Variants in PCP4L1 observed in about 807,000 individuals in gnomAD.
PCP4L1 encodes the protein Purkinje cell protein 4-like protein 1.
A neutral mutation model predicts 9.6 loss-of-function variants in PCP4L1; 9 were observed. That is an observed-to-expected ratio of 0.94 (90% CI 0.57 to 1.64). PCP4L1 has a LOEUF of 1.64. Ranked by LOEUF, PCP4L1 falls within the 40% of genes most tolerant of loss-of-function variation. PCP4L1 has a pLI of 0.00. For synonymous variants in PCP4L1, 31 were observed against 28.2 expected (o/e 1.10, Z -0.31); for missense variants, 81 against 80.8 (o/e 1.00, Z -0.01).
chr1:161,272,691 T>TTA (rs1387491693), intron 1 of PCP4L1, among the ~76,000 whole-genome samples: 11 of 151,976 alleles, frequency 7.2e-5, no homozygotes, highest in African/African-American at 2.7e-4. Flanking sequence ...ATTTATTTAT[T>TTA]TTTATTTAAG....
At position 161,258,864 on chromosome 1, in the gene PCP4L1, G is replaced by A; in HGVS notation, c.-111G>A. ...ACTAACTCTCCTCTCCTGGTCAGCTGTAACCCCTGCCGCAGAGCCCGGCAA... is the reference window on the plus strand; with the variant it reads ...ACTAACTCTCCTCTCCTGGTCAGCTATAACCCCTGCCGCAGAGCCCGGCAA... On this transcript the variant is annotated 5_prime_UTR_variant, in exon 1 of 3. Transcript: ENST00000504449. 1 of 1,474,648 alleles carries A rather than the reference G, an allele frequency of 6.8e-7. No individual in the cohort carries two copies. The highest frequency in any genetic ancestry group is 9.2e-7 in the Non-Finnish European group (1 of 1,091,678). The allele number at this position is 1,474,648 out of a possible 1,614,324, so 91.3% of individuals were successfully genotyped here.
intron 1 of PCP4L1, among the ~76,000 whole-genome samples, chr1:161,280,977 A>G (rs1669784455): frequency 6.6e-6 from 1 of 152,158 alleles, no homozygotes; most frequent in Non-Finnish European, 1.5e-5. Context: ...TCCTAGGCAG[A>G]GGACCCTGAG....
At chr1:161,268,072 G>A (rs1669558731) in intron 1 of PCP4L1, among the ~76,000 whole-genome samples, 1 of 152,192 alleles carries the variant, frequency 6.6e-6, no homozygotes, top group African/African-American at 2.4e-5. Context: ...TGACACAAAA[G>A]TGGACGAAAG....
chr1:161,274,149 G>A (rs1669665348), intron 1 of PCP4L1, among the ~76,000 whole-genome samples: 1 of 152,190 alleles, frequency 6.6e-6, no homozygotes, highest in Non-Finnish European at 1.5e-5. Flanking sequence ...AAAGTAGCTG[G>A]CACATAGTGT....
intron 1 of PCP4L1, 27 bp downstream of exon 1, chr1:161,259,010 C>T (rs4078110): frequency 0.24 from 360,454 of 1,528,932 alleles, 43,807 homozygotes; most frequent in East Asian, 0.37. Flanking sequence ...CCGGCGCTGT[C>T]GGCAGGGCTG....
At chr1:161,265,730 C>G (rs952642053) in intron 1 of PCP4L1, among the ~76,000 whole-genome samples, 8 of 124,528 alleles carry the variant, frequency 6.4e-5, no homozygotes, top group African/African-American at 6.2e-5. Context: ...GATCCAAAAC[C>G]ACTTTTTTTT....
intron 1 of PCP4L1, among the ~76,000 whole-genome samples, chr1:161,269,998 C>CAA (rs34089226): frequency 0.37 from 54,076 of 145,576 alleles, 10,114 homozygotes; most frequent in African/African-American, 0.45. Flanking sequence ...GACCTTGTCT[C>CAA]AAAAAAAAAA....
intron 1 of PCP4L1, among the ~76,000 whole-genome samples, chr1:161,271,186 G>A (rs1359273039): frequency 6.6e-6 from 1 of 152,200 alleles, no homozygotes; most frequent in Non-Finnish European, 1.5e-5. Context: ...CAACGTATGA[G>A]AGTTCCAGTT....
At chr1:161,275,819 A>C (rs1289788437) in intron 1 of PCP4L1, among the ~76,000 whole-genome samples, 1 of 143,228 alleles carries the variant, frequency 7.0e-6, no homozygotes, top group East Asian at 2.0e-4. Flanking sequence ...TTTTTGAGAC[A>C]GAGTCTTGCT....
chr1:161,281,983 G>T (rs1558147061), intron 1 of PCP4L1, among the ~76,000 whole-genome samples: 1 of 152,144 alleles, frequency 6.6e-6, no homozygotes, highest in Admixed American at 6.5e-5. Context: ...CCCAGATGGG[G>T]TGGCAGCCAG....
chr1:161,281,746 A>G (rs1253735212), intron 1 of PCP4L1, among the ~76,000 whole-genome samples: 7 of 129,126 alleles, frequency 5.4e-5, no homozygotes, highest in African/African-American at 1.2e-4. Context: ...CACCTCCCAG[A>G]CGGGGTCACG....
chr1:161,272,973 A>T (rs1669646723), intron 1 of PCP4L1, among the ~76,000 whole-genome samples: 1 of 152,154 alleles, frequency 6.6e-6, no homozygotes, highest in African/African-American at 2.4e-5. Flanking sequence ...TAGGGAAAGG[A>T]GGAATGTTAC....
At chr1:161,283,331 C>A in intron 1 of PCP4L1, among the ~76,000 whole-genome samples, 1 of 152,198 alleles carries the variant, frequency 6.6e-6, no homozygotes, top group East Asian at 1.9e-4. Flanking sequence ...CCAGTACTTA[C>A]TATTTCCTTT....
At chr1:161,282,862 G>C (rs754329786) in intron 1 of PCP4L1, among the ~76,000 whole-genome samples, 85 of 152,140 alleles carry the variant, frequency 5.6e-4, no homozygotes, top group Admixed American at 2.2e-3. Context: ...AATATACCCA[G>C]AATCCAACCA....
chr1:161,262,454 A>AAAAG (rs1458009148), intron 1 of PCP4L1, among the ~76,000 whole-genome samples: 2 of 139,744 alleles, frequency 1.4e-5, no homozygotes, highest in African/African-American at 6.7e-5. Flanking sequence ...AAAAAAAAAA[A>AAAAG]AAGAAATGCC....
At chr1:161,284,310 T>C in intron 2 of PCP4L1, 29 bp from the exon 3 acceptor site, 1 of 1,613,906 alleles carries the variant, frequency 6.2e-7, no homozygotes, top group Non-Finnish European at 8.5e-7. Context: ...TCAGATTAAC[T>C]CATTAATGAG....
chr1:161,267,805 C>T (rs1175821182), intron 1 of PCP4L1, among the ~76,000 whole-genome samples: 1 of 152,058 alleles, frequency 6.6e-6, no homozygotes, highest in Non-Finnish European at 1.5e-5. Context: ...CTCTGCCTCC[C>T]AGGTTTAAGC....
intron 1 of PCP4L1, among the ~76,000 whole-genome samples, chr1:161,266,524 G>A (rs2102232880): frequency 6.6e-6 from 1 of 152,266 alleles, no homozygotes; most frequent in Non-Finnish European, 1.5e-5. Flanking sequence ...ACCATGAGCT[G>A]GCATGGCCAA....
At chr1:161,274,791 G>T (rs1180088955) in intron 1 of PCP4L1, among the ~76,000 whole-genome samples, 2 of 152,002 alleles carry the variant, frequency 1.3e-5, no homozygotes, top group African/African-American at 4.8e-5. Context: ...AGTGTCCAGA[G>T]TGGCTATTTC....
Sources: allele counts gnomAD v4.1 joint callset (sites outside exome capture counted in the v4.1 genomes callset), GRCh38; gene constraint gnomAD v4.1.1; transcripts MANE v1.5; gene names NCBI Gene and HGNC (gene_info 2026-07-23, HGNC 2026-07-21).